The following SRP72 variants were observed in gnomAD, a reference collection of about 807,000 sequenced individuals.
SRP72 encodes signal recognition particle 72.
A neutral mutation model predicts 96.3 loss-of-function variants in SRP72; 49 were observed. The ratio of observed to expected loss-of-function variants is 0.51; its 90% CI spans 0.40 to 0.65. SRP72 has a LOEUF of 0.65. Among genes scored for constraint, SRP72 ranks in the 30% least tolerant of loss-of-function variants. The probability of loss-of-function intolerance (pLI) is 0.00; values close to 1 mark genes in which losing one functional copy is unlikely to be tolerated. For synonymous variants in SRP72, 267 were observed against 275.2 expected (o/e 0.97, Z 0.30); for missense variants, 736 against 793.3 (o/e 0.93, Z 0.87).
chr4:56,500,938 G>A (rs540511251), intron 18 of SRP72, among the ~76,000 whole-genome samples: 99 of 150,386 alleles, frequency 6.6e-4, no homozygotes, highest in Non-Finnish European at 1.1e-3. Context: ...AATATATATT[G>A]TGAAATATAT....
intron 11 of SRP72, among the ~76,000 whole-genome samples, chr4:56,487,532 T>C (rs1720756205): frequency 6.6e-6 from 1 of 152,160 alleles, no homozygotes; most frequent in African/African-American, 2.4e-5. Flanking sequence ...TTGCAGTGAA[T>C]ACAAAATCAG....
At chr4:56,479,275 G>C (rs986532705) in intron 8 of SRP72, among the ~76,000 whole-genome samples, 1 of 151,970 alleles carries the variant, frequency 6.6e-6, no homozygotes, top group Non-Finnish European at 1.5e-5. Flanking sequence ...CGCCTCCCGC[G>C]TTCACGCCAT....
At chr4:56,469,888 C>T (rs1578172847) in intron 2 of SRP72, 115 bp downstream of exon 2, 1 of 924,664 alleles carries the variant, frequency 1.1e-6, no homozygotes, top group Admixed American at 3.1e-5. Context: ...TTTTTCCTTC[C>T]TTTTTTTCCC....
At chr4:56,473,678 T>C (rs914970519) in intron 3 of SRP72, among the ~76,000 whole-genome samples, 4 of 151,258 alleles carry the variant, frequency 2.6e-5, no homozygotes, top group Admixed American at 6.6e-5. Flanking sequence ...GGCAGGAGAA[T>C]CTCTTGAACC....
At chr4:56,472,011 AAC>A (rs569499744) in intron 3 of SRP72, among the ~76,000 whole-genome samples, 168 bp downstream of exon 3, 59 of 152,328 alleles carry the variant, frequency 3.9e-4, no homozygotes, top group African/African-American at 1.4e-3. Flanking sequence ...TCTTCATACA[AAC>A]AGTTGCATAT....
At chr4:56,475,881 A>G (rs956687126) in intron 5 of SRP72, 8 of 152,228 alleles carry the variant, frequency 5.3e-5, no homozygotes, top group Admixed American at 3.9e-4. Flanking sequence ...CATTGAAGGA[A>G]TATTCATAAG....
chr4:56,468,530 A>C lies in SRP72; in HGVS notation c.109+786A>C, dbSNP rs115643259. 4.4e-3 allele frequency among the ~76,000 whole-genome samples: 664 copies of C among 151,974 alleles called. 6 individuals are homozygous for C. The highest frequency in any genetic ancestry group is 0.015 in the African/African-American group (638 of 41,422). ...GGTGGTGCGCAGTTCTTCTCTACTG[A>C]AGATACAGCCTGTGCATGTTAGATT... On this transcript the variant is annotated intron_variant, in intron 1 of 18. Coordinates refer to ENST00000642900, the MANE Select transcript of SRP72 (RefSeq NM_006947.4).
At chr4:56,501,620 A>G in intron 18 of SRP72, 64 bp from the exon 19 acceptor site, 2 of 1,437,776 alleles carry the variant, frequency 1.4e-6, no homozygotes, top group Non-Finnish European at 1.9e-6. Flanking sequence ...ACCCATGTAC[A>G]TACATTTTTA....
chr4:56,487,864 T>C (rs1480192052), intron 11 of SRP72, 85 bp from the exon 12 acceptor site: 1 of 989,480 alleles, frequency 1.0e-6, no homozygotes, highest in African/African-American at 1.7e-5. Flanking sequence ...TAAGGAAAAG[T>C]AGTGGGAGGA....
chr4:56,498,221 A>G (rs551254350), intron 17 of SRP72, among the ~76,000 whole-genome samples: 27 of 152,216 alleles, frequency 1.8e-4, no homozygotes, highest in Non-Finnish European at 2.9e-4. Context: ...ATAAAATTCA[A>G]CACCCCTTCA....
rs544201802 is a variant in SRP72 at position 56,493,806 on chromosome 4, C to T, written c.1641-1551C>T. 2.0e-5 allele frequency among the ~76,000 whole-genome samples: 3 copies of T among 152,262 alleles called. No individual in the cohort carries two copies. The South Asian group carries it at 6.2e-4, about 32-fold the overall frequency. ...ACTTGAACCCAGGAGGTGGAGGTTGCAGTGAGCCAAGATCTCACCACTGCA... is the reference window on the plus strand; with the variant it reads ...ACTTGAACCCAGGAGGTGGAGGTTGTAGTGAGCCAAGATCTCACCACTGCA... On this transcript the variant is annotated intron_variant, in intron 16 of 18. Transcript: ENST00000642900.
rs368414908 is a variant in SRP72, at chr4:56,487,918, A to G, written c.1160-31A>G. 12 of 1,519,610 alleles carry G rather than the reference A, an allele frequency of 7.9e-6. No homozygotes were observed. In the African/African-American group the frequency reaches 8.4e-5, roughly 11 times the overall value. 94.1% of individuals were successfully genotyped at this position (1,519,610 alleles called of 1,614,324 possible). On this transcript the variant is annotated intron_variant, in intron 11 of 18. Coordinates refer to ENST00000642900, the MANE Select transcript of SRP72 (RefSeq NM_006947.4). The stretch of plus-strand genomic sequence containing the variant: ...TTTTTTTCATAATATGTGTTCTTCT[A>G]TGTAATGCTGATTTTGTTTATTCTC...
At position 56,469,780 on chromosome 4, in the gene SRP72, G is replaced by A; in HGVS notation, c.230+7G>A. On this transcript the variant is annotated splice_region_variant and intron_variant, in intron 2 of 18. Transcript: ENST00000642900. The stretch of plus-strand genomic sequence containing the variant: ...ACACCAAAGTGTTAGCCAAGTAAGT[G>A]ATTCAGTTAGTTGCTTGTACAGTTA... 1 of 1,602,634 alleles carries A rather than the reference G, an allele frequency of 6.2e-7. No individual in the cohort carries two copies. The highest frequency in any genetic ancestry group is 8.5e-7 in the Non-Finnish European group (1 of 1,171,628).
intron 16 of SRP72, 76 bp from the exon 17 acceptor site, chr4:56,495,281 T>G: frequency 1.0e-6 from 1 of 982,136 alleles, no homozygotes; most frequent in Admixed American, 2.7e-5. Context: ...CCCAACTAAC[T>G]CTTATAGAGC....
intron 17 of SRP72, among the ~76,000 whole-genome samples, chr4:56,499,039 A>G (rs957145376): frequency 6.6e-6 from 1 of 152,234 alleles, no homozygotes; most frequent in African/African-American, 2.4e-5. Flanking sequence ...ACAGTAACCA[A>G]AACAGAATGG....
rs12646890 is a variant in SRP72, at chr4:56,489,096, T to C, written c.1225-292T>C. ...CCAGCAGTGTCTTATTGTAGAAACA[T>C]TTCTAAGGGCTTATTCTCAACTTCT... On this transcript the variant is annotated intron_variant, in intron 12 of 18. Transcript: ENST00000642900. 0.2 allele frequency: 49,264 copies of C among 247,258 alleles called. 5,490 individuals carry two copies. Among genetic ancestry groups the C allele is most frequent in the Admixed American group, 0.36 (7,005 of 19,368 alleles). The allele number at this position is 247,258 out of a possible 1,614,324, so 15.3% of individuals were successfully genotyped here.
chr4:56,495,349 C>G lies in SRP72; in HGVS notation c.1641-8C>G. On this transcript the variant is annotated splice_polypyrimidine_tract_variant and splice_region_variant and intron_variant, in intron 16 of 18. Coordinates refer to ENST00000642900, the MANE Select transcript of SRP72 (RefSeq NM_006947.4). ...AAAGATGGTAATGATTTTTTTTTCT[C>G]TTTGTAGACAGGGAGATTTGAAAAA... 1 of 1,475,136 alleles carries G rather than the reference C, an allele frequency of 6.8e-7. No individual in the cohort carries two copies. Among genetic ancestry groups the G allele is most frequent in the African/African-American group, 1.4e-5 (1 of 71,158 alleles). The allele number at this position is 1,475,136 out of a possible 1,614,324, so 91.4% of individuals were successfully genotyped here.
intron 6 of SRP72, 66 bp from the exon 7 acceptor site, chr4:56,478,313 G>A (rs1720331787): frequency 6.8e-7 from 1 of 1,469,858 alleles, no homozygotes; most frequent in African/African-American, 1.4e-5. Context: ...TGAATGTTTG[G>A]GTCATTTGGA....
At chr4:56,481,170 C>T (rs1391521955) in intron 8 of SRP72, among the ~76,000 whole-genome samples, 2 of 152,154 alleles carry the variant, frequency 1.3e-5, no homozygotes, top group African/African-American at 4.8e-5. Flanking sequence ...TCTTGCTGTA[C>T]ATTAAAGTAG....
Sources: gnomAD v4.1 joint callset for allele counts (sites outside exome capture counted in the v4.1 genomes callset) on GRCh38, gnomAD v4.1.1 for gene constraint, MANE v1.5 for transcripts, NCBI Gene and HGNC (gene_info 2026-07-23, HGNC 2026-07-21) for gene names.